The following PPP4R2 variants were observed in gnomAD, a reference collection of about 807,000 sequenced individuals.
The protein encoded by PPP4R2 is protein phosphatase 4 regulatory subunit 2.
A neutral mutation model predicts 47.2 loss-of-function variants in PPP4R2; 13 were observed. That is an observed-to-expected ratio of 0.28 (90% CI 0.18 to 0.44). PPP4R2 has a LOEUF of 0.44. Among genes scored for constraint, PPP4R2 ranks in the 20% least tolerant of loss-of-function variants. The probability of loss-of-function intolerance (pLI) is 1.00; values close to 1 mark genes in which losing one functional copy is unlikely to be tolerated. For missense variants in PPP4R2, 421 were observed against 491.2 expected (o/e 0.86, Z 1.35); for synonymous variants, 151 against 163.3 (o/e 0.92, Z 0.57).
At chr3:73,020,554 C>T (rs537184040) in intron 2 of PPP4R2, among the ~76,000 whole-genome samples, 3 of 151,282 alleles carry the variant, frequency 2.0e-5, no homozygotes, top group South Asian at 2.1e-4. Flanking sequence ...CCTGTAGTCT[C>T]AGCTACTCAG....
At chr3:73,024,133 T>C (rs1575855149) in intron 2 of PPP4R2, among the ~76,000 whole-genome samples, 1 of 152,286 alleles carries the variant, frequency 6.6e-6, no homozygotes, top group East Asian at 1.9e-4. Flanking sequence ...CATAAATATA[T>C]ACATAATAAA....
chr3:73,025,603 T>C (rs374371531), intron 2 of PPP4R2, among the ~76,000 whole-genome samples: 94 of 152,218 alleles, frequency 6.2e-4, no homozygotes, highest in Non-Finnish European at 1.1e-3. Flanking sequence ...AAGGAATATT[T>C]AGCAGTGCAT....
At chr3:73,057,460 C>T (rs1233249554) in intron 3 of PPP4R2, among the ~76,000 whole-genome samples, 2 of 152,066 alleles carry the variant, frequency 1.3e-5, no homozygotes, top group Non-Finnish European at 2.9e-5. Flanking sequence ...TTTCTAGTTG[C>T]TTCTGAATGT....
intron 3 of PPP4R2, among the ~76,000 whole-genome samples, chr3:73,055,752 T>C (rs1264658784): frequency 1.3e-5 from 2 of 150,126 alleles, no homozygotes. Flanking sequence ...ACTTGCAACC[T>C]CCACCGCCCA....
Position 73,067,966 on chromosome 3 carries a change from C to T in PPP4R2, c.*2244C>T, listed in dbSNP as rs1703035015. 6.6e-6 allele frequency: 1 copy of T among 151,998 alleles called. No homozygotes were observed. Among genetic ancestry groups the T allele is most frequent in the South Asian group, 2.1e-4 (1 of 4,822 alleles). 9.4% of individuals were successfully genotyped at this position (151,998 alleles called of 1,614,324 possible). The stretch of plus-strand genomic sequence containing the variant: ...ATTCATATGTTGATCATAGATCAAA[C>T]TTGTTGCTGTTTATACAGATAATTG... On this transcript the variant is annotated 3_prime_UTR_variant, in exon 9 of 9. Transcript: ENST00000356692.
chr3:73,004,496 C>T (rs780181183), intron 2 of PPP4R2, among the ~76,000 whole-genome samples: 7 of 152,156 alleles, frequency 4.6e-5, no homozygotes, highest in Non-Finnish European at 1.0e-4. Flanking sequence ...TGCTCTTTTG[C>T]CCCGGTTGGA....
chr3:73,051,120 G>A (rs1702603897), intron 3 of PPP4R2, among the ~76,000 whole-genome samples: 1 of 152,106 alleles, frequency 6.6e-6, no homozygotes, highest in South Asian at 2.1e-4. Context: ...TCTCCATGTT[G>A]GTCAAGCTGG....
chr3:73,058,522 GA>G (rs1169335644), intron 3 of PPP4R2, among the ~76,000 whole-genome samples: 2 of 150,924 alleles, frequency 1.3e-5, no homozygotes, highest in Non-Finnish European at 3.0e-5. Flanking sequence ...TTTTAAAAAA[GA>G]ATTTCTGTTG....
chr3:73,015,259 C>A (rs749294), intron 2 of PPP4R2, among the ~76,000 whole-genome samples: 80,227 of 151,618 alleles, frequency 0.53, 21,568 homozygotes, highest in African/African-American at 0.62. Context: ...AGCTCACTGC[C>A]ACCTCTGCCT....
At chr3:73,039,145 C>G (rs935860490) in intron 2 of PPP4R2, among the ~76,000 whole-genome samples, 7 of 152,208 alleles carry the variant, frequency 4.6e-5, no homozygotes, top group African/African-American at 1.7e-4. Context: ...TTTTATGAGA[C>G]TGAGTTTTGC....
intron 2 of PPP4R2, among the ~76,000 whole-genome samples, chr3:73,044,104 T>TC (rs1284972781): frequency 6.6e-6 from 1 of 152,182 alleles, no homozygotes; most frequent in Non-Finnish European, 1.5e-5. Context: ...GTGTGTGTGT[T>TC]TATCTCTCAC....
At chr3:73,062,869 C>T in intron 5 of PPP4R2, 1 of 1,613,470 alleles carries the variant, frequency 6.2e-7, no homozygotes, top group Non-Finnish European at 8.5e-7. Context: ...GACTTTGAAT[C>T]CCCTCTACAC....
At chr3:73,027,270 G>T (rs928627144) in intron 2 of PPP4R2, among the ~76,000 whole-genome samples, 7 of 152,164 alleles carry the variant, frequency 4.6e-5, no homozygotes, top group African/African-American at 1.7e-4. Context: ...GGGACTACAG[G>T]CGTGCGCCAC....
rs1037409009 is a variant in PPP4R2 at position 73,066,939 on chromosome 3, A to C, written c.*1217A>C. 2.6e-5 allele frequency: 4 copies of C among 152,142 alleles called. No individual in the cohort carries two copies. The highest frequency in any genetic ancestry group is 7.2e-5 in the African/African-American group (3 of 41,448). The allele number at this position is 152,142 out of a possible 1,614,324, so 9.4% of individuals were successfully genotyped here. A position where few individuals can be genotyped will look rare whatever the true frequency, so the allele number is the denominator to read the frequency against. On this transcript the variant is annotated 3_prime_UTR_variant, in exon 9 of 9. Transcript: ENST00000356692. The stretch of plus-strand genomic sequence containing the variant: ...GATTACTCGAAATTCAGTATTTTCA[A>C]ATTTACATATTTAAAGTCATGCAAG...
At chr3:73,015,109 G>A (rs1332817159) in intron 2 of PPP4R2, 1 of 441,276 alleles carries the variant, frequency 2.3e-6, no homozygotes, top group African/African-American at 2.0e-5. Flanking sequence ...AGCACTCTGA[G>A]ATCTCAGAAA....
At chr3:73,000,909 A>G (rs1212011743) in intron 2 of PPP4R2, among the ~76,000 whole-genome samples, 1 of 152,170 alleles carries the variant, frequency 6.6e-6, no homozygotes, top group Non-Finnish European at 1.5e-5. Context: ...AAGGTATTTG[A>G]TGGGTTTGAG....
intron 2 of PPP4R2, among the ~76,000 whole-genome samples, chr3:73,005,158 G>T (rs904967892): frequency 3.9e-5 from 6 of 151,960 alleles, no homozygotes; most frequent in African/African-American, 1.5e-4. Context: ...GGCCAGGCTG[G>T]TCTCAAACTC....
Position 73,000,029 on chromosome 3 carries a change from A to G in PPP4R2, c.116+1871A>G, listed in dbSNP as rs73838444. Among the ~76,000 whole-genome samples, 1,442 of 152,334 alleles carry G rather than the reference A, an allele frequency of 9.5e-3. 29 individuals carry two copies. Among genetic ancestry groups the G allele is most frequent in the African/African-American group, 0.032 (1,338 of 41,568 alleles). On this transcript the variant is annotated intron_variant, in intron 2 of 8. Coordinates refer to ENST00000356692, the MANE Select transcript of PPP4R2 (RefSeq NM_174907.4). ...GTGAGATTGTAACGAGAGAATGAAAATGAAAATTTAAAGAACAGCAATTTA... is the reference window on the plus strand; with the variant it reads ...GTGAGATTGTAACGAGAGAATGAAAGTGAAAATTTAAAGAACAGCAATTTA...
chr3:73,064,465 G>A (rs1392599592), intron 7 of PPP4R2, among the ~76,000 whole-genome samples: 2 of 152,124 alleles, frequency 1.3e-5, no homozygotes, highest in African/African-American at 2.4e-5. Flanking sequence ...TTTGTGAGTC[G>A]TTTCTCATTG....
Sources: gnomAD v4.1 joint callset for allele counts (sites outside exome capture counted in the v4.1 genomes callset) on GRCh38, gnomAD v4.1.1 for gene constraint, MANE v1.5 for transcripts, NCBI Gene and HGNC (gene_info 2026-07-23, HGNC 2026-07-21) for gene names.